Variants in FRMD5 observed in about 807,000 individuals in gnomAD.
FRMD5 encodes the protein FERM domain-containing protein 5.
FRMD5 carries 20 observed loss-of-function variants against 69.0 expected under a neutral mutation model. The ratio of observed to expected loss-of-function variants is 0.29; its 90% CI spans 0.20 to 0.42. The LOEUF (loss-of-function observed/expected upper bound fraction) is 0.42. FRMD5 is among the 10% of genes least tolerant of loss of function. The pLI is 1.00. For missense variants in FRMD5, 595 were observed against 708.6 expected (o/e 0.84, Z 1.82); for synonymous variants, 271 against 260.1 (o/e 1.04, Z -0.40).
chr15:43,893,598 C>T (rs879692658), intron 7 of FRMD5, among the ~76,000 whole-genome samples: 9 of 152,316 alleles, frequency 5.9e-5, no homozygotes, highest in Admixed American at 1.3e-4. Flanking sequence ...GAAACTTATG[C>T]TGTGATGCTG....
rs1436693671 is a variant in FRMD5 at position 43,872,867 on chromosome 15, C to T, written c.*1018G>A. 6.8e-5 allele frequency: 21 copies of T among 309,932 alleles called. No homozygotes were observed. The highest frequency in any genetic ancestry group is 2.9e-5 in the Non-Finnish European group (5 of 170,388). 19.2% of individuals were successfully genotyped at this position (309,932 alleles called of 1,614,324 possible). A position where few individuals can be genotyped will look rare whatever the true frequency, so the allele number is the denominator to read the frequency against. On this transcript the variant is annotated 3_prime_UTR_variant, in exon 14 of 14. Coordinates refer to ENST00000417257, the MANE Select transcript of FRMD5 (RefSeq NM_032892.5). ...AAAATATGAATTGTTAAGAAAATAA[C>T]ATTTCGTTGTTAAAATATAAATTGA... is the stretch of plus-strand genomic sequence containing the variant.
intron 1 of FRMD5, among the ~76,000 whole-genome samples, chr15:43,929,489 A>G (rs1185954015): frequency 6.6e-6 from 1 of 152,220 alleles, no homozygotes; most frequent in Non-Finnish European, 1.5e-5. Flanking sequence ...AGTAGAGTCT[A>G]GCAGAGGGTA....
intron 1 of FRMD5, among the ~76,000 whole-genome samples, chr15:43,941,023 A>G (rs1309011894): frequency 1.3e-5 from 2 of 152,200 alleles, no homozygotes; most frequent in African/African-American, 4.8e-5. Context: ...GTTTGTTAGA[A>G]TACATTATCT....
chr15:44,108,758 G>T (rs1157454057), intron 1 of FRMD5, among the ~76,000 whole-genome samples: 1 of 152,042 alleles, frequency 6.6e-6, no homozygotes, highest in African/African-American at 2.4e-5. Context: ...GAAGCTAGGA[G>T]TTGGAGACCA....
intron 1 of FRMD5, among the ~76,000 whole-genome samples, chr15:43,944,165 G>A (rs895380863): frequency 6.6e-6 from 1 of 152,214 alleles, no homozygotes; most frequent in Admixed American, 6.5e-5. Flanking sequence ...AGAAGTCCAA[G>A]GTTAAGGCAC....
chr15:44,159,221 A>G (rs1319590633), intron 1 of FRMD5, among the ~76,000 whole-genome samples: 1 of 152,196 alleles, frequency 6.6e-6, no homozygotes, highest in Non-Finnish European at 1.5e-5. Context: ...TTATACACTT[A>G]AAATGATAAA....
chr15:43,967,572 A>G (rs181359172), intron 1 of FRMD5, among the ~76,000 whole-genome samples: 34 of 152,268 alleles, frequency 2.2e-4, no homozygotes, highest in Admixed American at 7.9e-4. Flanking sequence ...ATAACATCCT[A>G]TAAGGTAAAG....
chr15:44,160,512 T>C (rs1335754433), intron 1 of FRMD5, among the ~76,000 whole-genome samples: 2 of 152,248 alleles, frequency 1.3e-5, no homozygotes, highest in Admixed American at 1.3e-4. Flanking sequence ...TACCAGTTTA[T>C]AAACATTTTA....
At chr15:44,141,400 A>G (rs1012145793) in intron 1 of FRMD5, among the ~76,000 whole-genome samples, 2 of 152,230 alleles carry the variant, frequency 1.3e-5, no homozygotes, top group Non-Finnish European at 2.9e-5. Context: ...CAGATAATTC[A>G]GAAACAGTCA....
chr15:43,979,745 A>G (rs1487836612), intron 1 of FRMD5, among the ~76,000 whole-genome samples: 1 of 152,246 alleles, frequency 6.6e-6, no homozygotes, highest in Non-Finnish European at 1.5e-5. Context: ...TGTTTCATAA[A>G]GAATTTCCAG....
intron 4 of FRMD5, among the ~76,000 whole-genome samples, chr15:43,917,452 G>T (rs141131828): frequency 6.6e-6 from 1 of 152,054 alleles, no homozygotes; most frequent in Non-Finnish European, 1.5e-5. Context: ...GTGTAATGCC[G>T]CAATCTTGGC....
chr15:44,170,774 G>A (rs1250402580), intron 1 of FRMD5, among the ~76,000 whole-genome samples: 2 of 152,102 alleles, frequency 1.3e-5, no homozygotes, highest in African/African-American at 4.8e-5. Flanking sequence ...ACTCCACAAG[G>A]CGTTACCTTA....
At chr15:43,942,900 T>C (rs909325562) in intron 1 of FRMD5, among the ~76,000 whole-genome samples, 2 of 152,212 alleles carry the variant, frequency 1.3e-5, no homozygotes, top group Admixed American at 6.5e-5. Context: ...ACTGGGACTT[T>C]AGGCGTGTGC....
At chr15:43,977,893 T>C (rs2090488655) in intron 1 of FRMD5, among the ~76,000 whole-genome samples, 1 of 152,124 alleles carries the variant, frequency 6.6e-6, no homozygotes, top group Non-Finnish European at 1.5e-5. Context: ...CCCATACCTT[T>C]AACAGACAGT....
intron 13 of FRMD5, among the ~76,000 whole-genome samples, chr15:43,874,830 G>A (rs1326229513): frequency 6.6e-6 from 1 of 152,054 alleles, no homozygotes; most frequent in African/African-American, 2.4e-5. Context: ...AACCCGGGAG[G>A]CGGAGGTTGC....
At chr15:44,043,970 T>C (rs1031051804) in intron 1 of FRMD5, among the ~76,000 whole-genome samples, 1 of 151,958 alleles carries the variant, frequency 6.6e-6, no homozygotes, top group Non-Finnish European at 1.5e-5. Flanking sequence ...AAAGAAACTA[T>C]CATCAGAGTG....
intron 1 of FRMD5, among the ~76,000 whole-genome samples, chr15:43,970,565 C>T (rs1373749009): frequency 2.0e-5 from 3 of 152,178 alleles, no homozygotes; most frequent in African/African-American, 4.8e-5. Context: ...CACCTCCTGC[C>T]TCAGCCTCCT....
chr15:44,148,683 A>G (rs1490467253), intron 1 of FRMD5, among the ~76,000 whole-genome samples: 2 of 152,204 alleles, frequency 1.3e-5, no homozygotes, highest in Non-Finnish European at 1.5e-5. Context: ...ATTTTTAGCA[A>G]TAAAATATTT....
intron 1 of FRMD5, among the ~76,000 whole-genome samples, chr15:44,009,692 C>T (rs549986802): frequency 5.9e-5 from 9 of 152,192 alleles, no homozygotes; most frequent in African/African-American, 2.2e-4. Context: ...AAAAAATCCA[C>T]TTTTATGGAG....
Sources: allele counts gnomAD v4.1 joint callset (sites outside exome capture counted in the v4.1 genomes callset), GRCh38; gene constraint gnomAD v4.1.1; transcripts MANE v1.5; gene names NCBI Gene and HGNC (gene_info 2026-07-23, HGNC 2026-07-21).